The following DMXL2 variants were observed in gnomAD, a reference collection of about 807,000 sequenced individuals.
DMXL2 encodes the protein dmX-like protein 2.
In DMXL2, 103 loss-of-function variants were observed where a neutral mutation model predicts 331.1. The ratio of observed to expected loss-of-function variants is 0.31; its 90% confidence interval spans 0.27 to 0.37. The LOEUF is 0.37. Among genes scored for constraint, DMXL2 ranks in the 10% least tolerant of loss-of-function variants. DMXL2 has a pLI of 1.00. For synonymous variants in DMXL2, 1,281 were observed against 1,252.1 expected (o/e 1.02, Z -0.49); for missense variants, 3,171 against 3,642.9 (o/e 0.87, Z 3.33).
At chr15:51,605,970 T>G (rs1333105725) in intron 1 of DMXL2, among the ~76,000 whole-genome samples, 2 of 152,254 alleles carry the variant, frequency 1.3e-5, no homozygotes, top group East Asian at 3.8e-4. Context: ...TGCTCAGCAC[T>G]GAATGCCAAT....
At chr15:51,559,524 G>A (rs1442328390) in intron 6 of DMXL2, among the ~76,000 whole-genome samples, 2 of 152,064 alleles carry the variant, frequency 1.3e-5, no homozygotes, top group Admixed American at 6.6e-5. Context: ...AAACCAGCTT[G>A]GGCAACATAA....
At chr15:51,561,944 T>C (rs556440161) in intron 6 of DMXL2, among the ~76,000 whole-genome samples, 1 of 152,318 alleles carries the variant, frequency 6.6e-6, no homozygotes, top group East Asian at 1.9e-4. Flanking sequence ...AAAGAAAAAG[T>C]ACCGTTATTT....
chr15:51,544,569 A>C (rs2048789756), intron 8 of DMXL2, among the ~76,000 whole-genome samples: 1 of 152,154 alleles, frequency 6.6e-6, no homozygotes, highest in African/African-American at 2.4e-5. Context: ...ACTTCACATA[A>C]AACTTTTAAG....
At chr15:51,480,485 G>T in intron 24 of DMXL2, 57 bp downstream of exon 24, 1 of 1,466,338 alleles carries the variant, frequency 6.8e-7, no homozygotes, top group South Asian at 1.6e-5. Context: ...GCTATAACTG[G>T]AAGAGCTACT....
At chr15:51,516,459 G>A (rs998452661) in intron 14 of DMXL2, among the ~76,000 whole-genome samples, 3 of 152,164 alleles carry the variant, frequency 2.0e-5, no homozygotes, top group Non-Finnish European at 4.4e-5. Context: ...TGAAACTGAG[G>A]TTACCCTCTA....
chr15:51,542,600 T>C (rs2048661855), intron 8 of DMXL2, 93 bp from the exon 9 acceptor site: 3 of 975,514 alleles, frequency 3.1e-6, no homozygotes, highest in Non-Finnish European at 4.4e-6. Flanking sequence ...TTAAGATTTT[T>C]TTCTCCATAA....
intron 6 of DMXL2, among the ~76,000 whole-genome samples, chr15:51,560,678 AAAAAG>A (rs2049906385): frequency 6.6e-6 from 1 of 151,254 alleles, no homozygotes; most frequent in South Asian, 2.1e-4. Flanking sequence ...CAAAAAAAAA[AAAAAG>A]AAAAGAAAAA....
chr15:51,511,045 A>T (rs940414252), intron 15 of DMXL2, among the ~76,000 whole-genome samples: 16 of 152,230 alleles, frequency 1.1e-4, no homozygotes, highest in Non-Finnish European at 1.8e-4. Flanking sequence ...AATTAACTCA[A>T]GAGGGACTGA....
At chr15:51,509,902 G>A (rs2046650212) in intron 15 of DMXL2, among the ~76,000 whole-genome samples, 2 of 152,124 alleles carry the variant, frequency 1.3e-5, no homozygotes, top group Non-Finnish European at 2.9e-5. Flanking sequence ...CTGGTTCAAC[G>A]TACACAAATC....
intron 9 of DMXL2, among the ~76,000 whole-genome samples, chr15:51,542,076 A>G (rs2048628161): frequency 6.6e-6 from 1 of 152,164 alleles, no homozygotes; most frequent in Non-Finnish European, 1.5e-5. Context: ...TCACAGCTCT[A>G]ATTTACTAGG....
intron 1 of DMXL2, among the ~76,000 whole-genome samples, chr15:51,585,173 G>C (rs1032501182): frequency 1.0e-5 from 1 of 99,714 alleles, no homozygotes; most frequent in East Asian, 2.7e-4. Context: ...ATGTTGAATA[G>C]GAGCGGTGAG....
At chr15:51,616,146 A>G (rs1306192334) in intron 1 of DMXL2, among the ~76,000 whole-genome samples, 1 of 152,192 alleles carries the variant, frequency 6.6e-6, no homozygotes, top group Non-Finnish European at 1.5e-5. Flanking sequence ...TCCATCTAAG[A>G]GGGTATTATT....
intron 6 of DMXL2, among the ~76,000 whole-genome samples, chr15:51,561,264 G>A (rs1211442999): frequency 2.0e-5 from 3 of 152,222 alleles, no homozygotes; most frequent in African/African-American, 7.2e-5. Flanking sequence ...AGATTTAACA[G>A]GTCCCCCAAA....
At position 51,545,626 on chromosome 15, in the gene DMXL2, G is replaced by C; in HGVS notation, c.887C>G (p.Ser296Cys). The change falls in exon 8 of 44, where the codon TCT becomes TGT. Residue 296 changes from serine (S) to cysteine (C), a missense_variant. Transcript: ENST00000560891. ...TTTSSIASSL[S>C]HAGRHKDRIQ... is the part of the protein sequence containing the mutation. Reference sequence around the variant, plus strand: ...TCTGTCTTTGTGTCTTCCAGCATGAGAAAGGCTGCTGGCAATGCTGGAAGT... The same window carrying C: ...TCTGTCTTTGTGTCTTCCAGCATGACAAAGGCTGCTGGCAATGCTGGAAGT... 6.2e-7 allele frequency: 1 copy of C among 1,613,596 alleles called. No homozygotes were observed. Among genetic ancestry groups the C allele is most frequent in the Non-Finnish European group, 8.5e-7 (1 of 1,179,716 alleles).
Position 51,583,187 on chromosome 15 carries a change from A to G in DMXL2, c.88-7006T>C, listed in dbSNP as rs1237206022. Reference sequence around the variant, plus strand: ...CATGTGCACATTGTGCAGGTTAGTTACATATGTATACATGTGCCATGCTGG... The same window carrying G: ...CATGTGCACATTGTGCAGGTTAGTTGCATATGTATACATGTGCCATGCTGG... On this transcript the variant is annotated intron_variant, in intron 1 of 43. Transcript: ENST00000560891. 1.8e-5 allele frequency among the ~76,000 whole-genome samples: 2 copies of G among 109,670 alleles called. 1 individual carries two copies. Among genetic ancestry groups the G allele is most frequent in the Non-Finnish European group, 3.6e-5 (2 of 55,864 alleles). 71.9% of individuals were successfully genotyped at this position (109,670 alleles called of 152,430 possible). A position where few individuals can be genotyped will look rare whatever the true frequency, so the allele number is the denominator to read the frequency against.
intron 6 of DMXL2, among the ~76,000 whole-genome samples, chr15:51,559,275 C>A (rs2049799853): frequency 6.6e-6 from 1 of 152,166 alleles, no homozygotes; most frequent in Non-Finnish European, 1.5e-5. Context: ...ATAAAGAACT[C>A]CTACAAATCA....
Position 51,448,964 on chromosome 15 carries a change from TA to T in DMXL2, c.*19del, listed in dbSNP as rs1274631080. 2 of 1,611,438 alleles carry T rather than the reference TA, an allele frequency of 1.2e-6. No individual in the cohort carries two copies. The highest frequency in any genetic ancestry group is 1.7e-6 in the Non-Finnish European group (2 of 1,178,428). On this transcript the variant is annotated 3_prime_UTR_variant, in exon 44 of 44. Coordinates refer to ENST00000560891, the MANE Select transcript of DMXL2 (RefSeq NM_001378457.1). ...GTGTGCCTTTTAACTGAAATGTATATAAAAATAAAACCCCAATCTTTATAGA... is the reference window on the plus strand; with the variant it reads ...GTGTGCCTTTTAACTGAAATGTATATAAAATAAAACCCCAATCTTTATAGA...
At chr15:51,585,528 A>T (rs1479272088) in intron 1 of DMXL2, among the ~76,000 whole-genome samples, 1 of 152,180 alleles carries the variant, frequency 6.6e-6, no homozygotes. Flanking sequence ...TTCGATGAAC[A>T]TGTATGTATA....
Position 51,456,202 on chromosome 15 carries a change from CAA to C in DMXL2, c.8399-11_8399-10del, listed in dbSNP as rs771139832. The C allele has an allele frequency of 3.1e-5, 49 of 1,604,370 alleles. 1 individual carries two copies. Among genetic ancestry groups the C allele is most frequent in the East Asian group, 1.1e-4 (5 of 44,792 alleles). On this transcript the variant is annotated splice_polypyrimidine_tract_variant and intron_variant, in intron 38 of 43. Coordinates refer to ENST00000560891, the MANE Select transcript of DMXL2 (RefSeq NM_001378457.1). ...CTGAGCACCTGTAAGATCTGAAACA[CAA>C]GAGAAAAAGCAGGAAATAAGAAATT...
Sources: allele counts gnomAD v4.1 joint callset (sites outside exome capture counted in the v4.1 genomes callset), GRCh38; gene constraint gnomAD v4.1.1; transcripts MANE v1.5; gene names NCBI Gene and HGNC (gene_info 2026-07-23, HGNC 2026-07-21).